Variants in RMDN2 observed in about 807,000 individuals in gnomAD.
The protein encoded by RMDN2 is regulator of microtubule dynamics 2, also known as regulator of microtubule dynamics protein 2.
In RMDN2, 61 loss-of-function variants were observed where a neutral mutation model predicts 52.8. The ratio of observed to expected loss-of-function variants is 1.16; its 90% CI spans 0.94 to 1.43. The LOEUF is 1.43. Ranked by LOEUF, RMDN2 falls within the 40% of genes most tolerant of loss-of-function variation. The probability of loss-of-function intolerance (pLI) is 0.00; values close to 1 mark genes in which losing one functional copy is unlikely to be tolerated. For synonymous variants in RMDN2, 180 were observed against 153.1 expected (o/e 1.18, Z -1.30); for missense variants, 592 against 475.3 (o/e 1.25, Z -2.28).
At chr2:37,974,946 ATCTCT>A in intron 3 of RMDN2, 1 of 347,746 alleles carries the variant, frequency 2.9e-6, no homozygotes, top group South Asian at 3.8e-5. Flanking sequence ...TGCCTATCAA[ATCTCT>A]TCTCTGCATA....
chr2:38,054,023 T>C (rs2125302618), intron 10 of RMDN2, among the ~76,000 whole-genome samples: 4 of 152,334 alleles, frequency 2.6e-5, no homozygotes, highest in Admixed American at 2.6e-4. Context: ...TAATTTCCAG[T>C]TGACCACTTA....
chr2:37,969,886 C>T (rs890237837), intron 2 of RMDN2, among the ~76,000 whole-genome samples: 2 of 151,554 alleles, frequency 1.3e-5, no homozygotes, highest in African/African-American at 4.9e-5. Context: ...TTCTCTCCTG[C>T]TTGCTTCCTT....
Position 37,989,570 on chromosome 2 carries a change from A to C in RMDN2, c.821A>C (p.Glu274Ala). 1 of 1,610,362 alleles carries C rather than the reference A, an allele frequency of 6.2e-7. No individual in the cohort carries two copies. The highest frequency in any genetic ancestry group is 8.5e-7 in the Non-Finnish European group (1 of 1,178,890). Residue 274 changes from glutamate to alanine, a missense_variant, in exon 6 of 11, where the codon GAG (glutamate) becomes GCG (alanine). Physicochemically the swap from Glu to Ala is moderately radical, Grantham distance 107. Coordinates refer to ENST00000354545, the MANE Select transcript of RMDN2 (RefSeq NM_001170791.3). ...WYAVLCGYVS[E>A]FEGLQNKINY... is the part of the protein sequence containing the mutation. ...GCAGTTTTGTGTGGCTATGTATCTG[A>C]GTTTGAGGGTTTACAAAACAAAATC...
chr2:37,993,088 A>G (rs1412854679), intron 7 of RMDN2, among the ~76,000 whole-genome samples: 1 of 151,320 alleles, frequency 6.6e-6, no homozygotes, highest in Non-Finnish European at 1.5e-5. Context: ...GTATTTTTTT[A>G]TTTTATTTTT....
chr2:37,921,393 G>T (rs1234887512), upstream of RMDN2, among the ~76,000 whole-genome samples: 1 of 152,064 alleles, frequency 6.6e-6, no homozygotes, highest in Non-Finnish European at 1.5e-5. Context: ...AACTACATCA[G>T]ACATAGTATT....
intron 10 of RMDN2, 110 bp downstream of exon 10, chr2:38,004,326 GTATT>G (rs1346136616): frequency 2.8e-6 from 2 of 722,820 alleles, no homozygotes; most frequent in East Asian, 2.7e-5. Flanking sequence ...TCAATTTTAT[GTATT>G]TATTTTTATT....
chr2:38,047,004 C>G (rs987056141), intron 10 of RMDN2, among the ~76,000 whole-genome samples: 2 of 151,600 alleles, frequency 1.3e-5, no homozygotes, highest in African/African-American at 4.8e-5. Flanking sequence ...AAAAAGAGCC[C>G]AGAAGATCAG....
At chr2:37,943,349 G>C (rs1357441236) in intron 2 of RMDN2, among the ~76,000 whole-genome samples, 1 of 152,198 alleles carries the variant, frequency 6.6e-6, no homozygotes, top group Non-Finnish European at 1.5e-5. Flanking sequence ...GAAACCAAGA[G>C]AGGACAAGAT....
At chr2:37,981,141 G>T in intron 4 of RMDN2, 142 bp from the exon 5 acceptor site, 1 of 664,306 alleles carries the variant, frequency 1.5e-6, no homozygotes. Flanking sequence ...CAATGTGGCT[G>T]AAAAGTTCTT....
intron 4 of RMDN2, among the ~76,000 whole-genome samples, chr2:37,978,036 G>A (rs554671572): frequency 8.2e-4 from 125 of 152,320 alleles, no homozygotes; most frequent in African/African-American, 3.0e-3. Flanking sequence ...GCAACATTGA[G>A]CACTGAGTGA....
chr2:37,962,026 A>C (rs888388723), intron 2 of RMDN2, among the ~76,000 whole-genome samples: 1 of 152,256 alleles, frequency 6.6e-6, no homozygotes, highest in Non-Finnish European at 1.5e-5. Context: ...CAGAGGCTGC[A>C]GAACAGCAAA....
At chr2:37,933,471 G>C (rs1004906945) in intron 2 of RMDN2, among the ~76,000 whole-genome samples, 3 of 152,274 alleles carry the variant, frequency 2.0e-5, no homozygotes, top group African/African-American at 7.2e-5. Flanking sequence ...CTGCACCCCA[G>C]CCTGGGCACC....
intron 7 of RMDN2, among the ~76,000 whole-genome samples, chr2:37,995,781 C>T (rs1325155378): frequency 2.0e-5 from 3 of 152,116 alleles, no homozygotes; most frequent in East Asian, 1.9e-4. Flanking sequence ...TGATGTCATG[C>T]AGTTTTTCTG....
chr2:38,012,413 A>G (rs1222831240), intron 10 of RMDN2, among the ~76,000 whole-genome samples: 1 of 152,246 alleles, frequency 6.6e-6, no homozygotes, highest in Non-Finnish European at 1.5e-5. Flanking sequence ...TGCCTAGCAT[A>G]TAATAAGCAC....
intron 8 of RMDN2, among the ~76,000 whole-genome samples, chr2:38,003,310 T>C (rs1676562173): frequency 6.6e-6 from 1 of 152,094 alleles, no homozygotes; most frequent in African/African-American, 2.4e-5. Flanking sequence ...CCCAGCACTT[T>C]GGGAGGTCGA....
intron 10 of RMDN2, chr2:38,029,663 C>A (rs1680038586): frequency 7.0e-6 from 1 of 142,400 alleles, no homozygotes; most frequent in Admixed American, 7.1e-5. Context: ...TATGATGTGA[C>A]AAGGAGAGAG....
chr2:38,034,889 C>T (rs1190491974), intron 10 of RMDN2, among the ~76,000 whole-genome samples: 1 of 151,840 alleles, frequency 6.6e-6, no homozygotes, highest in Non-Finnish European at 1.5e-5. Flanking sequence ...TATCTGAGCT[C>T]ATCATGCCTA....
chr2:37,953,749 AT>A (rs1669124452), intron 2 of RMDN2, among the ~76,000 whole-genome samples: 1 of 151,906 alleles, frequency 6.6e-6, no homozygotes, highest in Non-Finnish European at 1.5e-5. Flanking sequence ...TTATATTTTA[AT>A]TTTTTGAGGA....
At chr2:37,936,428 C>T (rs1667294192) in intron 2 of RMDN2, among the ~76,000 whole-genome samples, 1 of 152,188 alleles carries the variant, frequency 6.6e-6, no homozygotes, top group Non-Finnish European at 1.5e-5. Context: ...ATTGCTGGGT[C>T]AAATGGTATT....
Sources: gnomAD v4.1 joint callset for allele counts (sites outside exome capture counted in the v4.1 genomes callset) on GRCh38, gnomAD v4.1.1 for gene constraint, MANE v1.5 for transcripts, NCBI Gene and HGNC (gene_info 2026-07-23, HGNC 2026-07-21) for gene names.